Variants in UBE3C observed in about 807,000 individuals in gnomAD.
UBE3C encodes ubiquitin-protein ligase E3C.
Under a neutral mutation model 129.4 loss-of-function variants are expected in UBE3C, and 42 were observed. The observed-to-expected ratio is 0.32, with a 90% CI of 0.25 to 0.42. UBE3C has a LOEUF of 0.42. Among genes scored for constraint, UBE3C ranks in the 10% least tolerant of loss-of-function variants. UBE3C has a pLI of 1.00. For missense variants in UBE3C, 1,049 were observed against 1,319.1 expected, an observed-to-expected ratio of 0.80 and a Z score of 3.17; for synonymous variants, 510 against 492.4, an observed-to-expected ratio of 1.04 and a Z score of -0.47.
intron 10 of UBE3C, among the ~76,000 whole-genome samples, chr7:157,188,747 T>C (rs1403584300): frequency 6.7e-6 from 1 of 149,656 alleles, no homozygotes; most frequent in African/African-American, 2.4e-5. Context: ...TTCTAGTATT[T>C]AGAAAGAGCA....
At chr7:157,171,801 G>T (rs1221671731) in intron 4 of UBE3C, among the ~76,000 whole-genome samples, 5 of 143,606 alleles carry the variant, frequency 3.5e-5, no homozygotes, top group Non-Finnish European at 7.5e-5. Context: ...CCGCCTCACG[G>T]GTTCAAGCGA....
intron 10 of UBE3C, chr7:157,198,179 T>C (rs2116976323): frequency 6.2e-7 from 1 of 1,607,300 alleles, no homozygotes. Context: ...GAACATCTTG[T>C]AGCTGATTTT....
At chr7:157,187,368 C>G (rs968057789) in intron 10 of UBE3C, among the ~76,000 whole-genome samples, 2 of 147,754 alleles carry the variant, frequency 1.4e-5, no homozygotes, top group Non-Finnish European at 3.0e-5. Flanking sequence ...TCATAGTACT[C>G]GTGTTTTATG....
intron 1 of UBE3C, among the ~76,000 whole-genome samples, chr7:157,147,730 T>C (rs1375122621): frequency 2.0e-5 from 3 of 152,242 alleles, no homozygotes; most frequent in Non-Finnish European, 4.4e-5. Context: ...CTATTCCTAG[T>C]TTGCAGAATT....
At chr7:157,256,854 T>A (rs1796765015) in intron 21 of UBE3C, 60 bp from the exon 22 acceptor site, 1 of 1,602,350 alleles carries the variant, frequency 6.2e-7, no homozygotes, top group Non-Finnish European at 8.5e-7. Context: ...CCAATCCCTG[T>A]GGGTCCTGAA....
intron 4 of UBE3C, among the ~76,000 whole-genome samples, chr7:157,173,637 CCTCA>C (rs1808439387): frequency 6.6e-6 from 1 of 152,110 alleles, no homozygotes. Context: ...GAATTAATTG[CCTCA>C]CTTTTTAGTT....
At chr7:157,250,633 T>C (rs575598630) in intron 19 of UBE3C, among the ~76,000 whole-genome samples, 1 of 152,320 alleles carries the variant, frequency 6.6e-6, no homozygotes, top group Admixed American at 6.5e-5. Context: ...AAGAGCCATA[T>C]TTATTTGGTT....
chr7:157,206,478 G>C (rs912204750), intron 11 of UBE3C, among the ~76,000 whole-genome samples: 1 of 151,976 alleles, frequency 6.6e-6, no homozygotes, highest in African/African-American at 2.4e-5. Context: ...TGGCCAGGCT[G>C]GTCTCGAACT....
In UBE3C at chr7:157,267,922, G is replaced by T; in HGVS notation, c.*167G>T. ...TCCTTTTTTAAATGATTTTTATTAC[G>T]GTGTGGTCACTTATTTAGATGGACA... On this transcript the variant is annotated 3_prime_UTR_variant, in exon 23 of 23. Transcript: ENST00000348165. 2 of 533,962 alleles carry T rather than the reference G, an allele frequency of 3.7e-6. No individual in the cohort carries two copies. Among genetic ancestry groups the T allele is most frequent in the South Asian group, 6.9e-5 (2 of 28,806 alleles). The allele number at this position is 533,962 out of a possible 1,614,324, so 33.1% of individuals were successfully genotyped here.
intron 8 of UBE3C, among the ~76,000 whole-genome samples, chr7:157,182,921 G>C (rs1808706791): frequency 1.3e-5 from 2 of 152,074 alleles, no homozygotes; most frequent in Non-Finnish European, 2.9e-5. Context: ...GCTAATTTTT[G>C]TATTTTTAGT....
At chr7:157,196,224 G>A (rs1203139197) in intron 10 of UBE3C, among the ~76,000 whole-genome samples, 2 of 152,344 alleles carry the variant, frequency 1.3e-5, no homozygotes, top group East Asian at 1.9e-4. Flanking sequence ...CCTATGCAAC[G>A]CTGCCGACAA....
At chr7:157,154,606 A>G (rs748472268) in intron 1 of UBE3C, among the ~76,000 whole-genome samples, 1 of 152,174 alleles carries the variant, frequency 6.6e-6, no homozygotes, top group African/African-American at 2.4e-5. Flanking sequence ...TTTCCTATCA[A>G]TGGATACATA....
chr7:157,216,409 A>G (rs576725322), intron 13 of UBE3C, among the ~76,000 whole-genome samples: 2 of 151,252 alleles, frequency 1.3e-5, no homozygotes, highest in South Asian at 4.2e-4. Flanking sequence ...TGTTACATAG[A>G]TAAACATGTC....
chr7:157,239,619 T>C (rs974866775), intron 18 of UBE3C, among the ~76,000 whole-genome samples: 8 of 152,248 alleles, frequency 5.3e-5, no homozygotes, highest in African/African-American at 1.9e-4. Context: ...CGGAGAAGAA[T>C]TGGGGGACTG....
At chr7:157,223,874 C>T (rs749284887) in intron 16 of UBE3C, among the ~76,000 whole-genome samples, 1 of 152,126 alleles carries the variant, frequency 6.6e-6, no homozygotes, top group Non-Finnish European at 1.5e-5. Context: ...GAGCCAAGAT[C>T]GTGCCAGTAC....
chr7:157,149,099 C>T (rs1807686655), intron 1 of UBE3C, among the ~76,000 whole-genome samples: 1 of 151,932 alleles, frequency 6.6e-6, no homozygotes, highest in Non-Finnish European at 1.5e-5. Flanking sequence ...TCTTGTCGCC[C>T]AGGCTGGAGT....
At position 157,201,031 on chromosome 7, in the gene UBE3C, C is replaced by T. The variant is rs147058190; in HGVS notation, c.1332-690C>T. Among the ~76,000 whole-genome samples, 437 of 152,084 alleles carry T rather than the reference C, an allele frequency of 2.9e-3. 3 individuals carry two copies. Among genetic ancestry groups the T allele is most frequent in the African/African-American group, 9.5e-3 (393 of 41,506 alleles). ...CACTAAATATTTTACAAATTTTAAA[C>T]GTGTTAAGTAGGCCAGGTGCAGTGG... On this transcript the variant is annotated intron_variant, in intron 10 of 22. Transcript: ENST00000348165.
At chr7:157,249,160 A>G (rs775178450) in intron 19 of UBE3C, among the ~76,000 whole-genome samples, 13 of 152,122 alleles carry the variant, frequency 8.5e-5, no homozygotes, top group Non-Finnish European at 1.6e-4. Flanking sequence ...ATATTCGTAG[A>G]GGTGTGCAGC....
intron 11 of UBE3C, among the ~76,000 whole-genome samples, chr7:157,204,006 G>A (rs1317677411): frequency 6.6e-6 from 1 of 152,172 alleles, no homozygotes; most frequent in Non-Finnish European, 1.5e-5. Context: ...ATAATAAAGT[G>A]TTGAATGTCC....
Sources: gnomAD v4.1 joint callset for allele counts (sites outside exome capture counted in the v4.1 genomes callset) on GRCh38, gnomAD v4.1.1 for gene constraint, MANE v1.5 for transcripts, NCBI Gene and HGNC (gene_info 2026-07-23, HGNC 2026-07-21) for gene names.